Variants in PRKN observed in about 807,000 individuals in gnomAD.
PRKN encodes the protein E3 ubiquitin-protein ligase parkin.
A neutral mutation model predicts 59.5 loss-of-function variants in PRKN; 56 were observed. The observed-to-expected ratio is 0.94, with a 90% CI of 0.76 to 1.18. The LOEUF is 1.18. Ranked by LOEUF, PRKN falls within the 50% of genes most tolerant of loss-of-function variation. The pLI, the probability that PRKN is intolerant of heterozygous loss-of-function variation, is 0.00. For missense variants in PRKN, 657 were observed against 596.4 expected, an observed-to-expected ratio of 1.10 and a Z score of -1.06; for synonymous variants, 250 against 222.1, an observed-to-expected ratio of 1.13 and a Z score of -1.12.
chr6:161,493,032 AACC>A (rs1777616783), intron 9 of PRKN, among the ~76,000 whole-genome samples: 1 of 152,372 alleles, frequency 6.6e-6, no homozygotes, highest in Admixed American at 6.5e-5. Flanking sequence ...TATAAAACAT[AACC>A]GTTAAATTCT....
chr6:161,619,086 G>A (rs141134672), intron 7 of PRKN, among the ~76,000 whole-genome samples: 12 of 152,028 alleles, frequency 7.9e-5, no homozygotes, highest in African/African-American at 1.2e-4. Flanking sequence ...TTCTGAATCC[G>A]CCGGGTCTGA....
intron 4 of PRKN, among the ~76,000 whole-genome samples, chr6:162,193,324 T>C (rs755703482): frequency 2.6e-5 from 4 of 152,216 alleles, no homozygotes; most frequent in Non-Finnish European, 5.9e-5. Flanking sequence ...TGCCGGCAGC[T>C]CAGCTAGATA....
intron 2 of PRKN, among the ~76,000 whole-genome samples, chr6:162,410,990 T>C (rs912631394): frequency 6.6e-6 from 1 of 152,170 alleles, no homozygotes; most frequent in African/African-American, 2.4e-5. Context: ...TCTTGGGGTA[T>C]TGATACAGAC....
chr6:161,596,199 CA>C (rs1455221545), intron 7 of PRKN, among the ~76,000 whole-genome samples: 1 of 152,030 alleles, frequency 6.6e-6, no homozygotes, highest in African/African-American at 2.4e-5. Context: ...AGGCAGAACG[CA>C]ACTGCCTTTG....
chr6:162,561,077 G>A (rs768971300), intron 1 of PRKN, among the ~76,000 whole-genome samples: 19 of 152,234 alleles, frequency 1.2e-4, no homozygotes, highest in Non-Finnish European at 1.9e-4. Context: ...GCAGGGCGAC[G>A]GGGAGAAATC....
chr6:162,622,430 C>A (rs375897905), intron 1 of PRKN, among the ~76,000 whole-genome samples: 2 of 152,022 alleles, frequency 1.3e-5, no homozygotes, highest in Non-Finnish European at 2.9e-5. Flanking sequence ...GTCATCTGCC[C>A]ACCTTGGCCT....
At chr6:161,557,445 C>G (rs1341072768) in intron 8 of PRKN, among the ~76,000 whole-genome samples, 3 of 152,120 alleles carry the variant, frequency 2.0e-5, no homozygotes, top group Non-Finnish European at 4.4e-5. Flanking sequence ...GTTGCACGTT[C>G]AAGCCCCAGA....
intron 2 of PRKN, among the ~76,000 whole-genome samples, chr6:162,343,867 A>G (rs1466003599): frequency 1.3e-5 from 2 of 152,226 alleles, no homozygotes; most frequent in African/African-American, 4.8e-5. Flanking sequence ...CAACATATAC[A>G]AAAACGTTAC....
At position 161,429,674 on chromosome 6, in the gene PRKN, T is replaced by A. The variant is rs1374884797; in HGVS notation, c.1084-42797A>T. Among the ~76,000 whole-genome samples, 1 of 151,928 alleles carries A rather than the reference T, an allele frequency of 6.6e-6. No homozygotes were observed. Among genetic ancestry groups the A allele is most frequent in the African/African-American group, 2.4e-5 (1 of 41,350 alleles). ...AAGTAGATCAATGAAGAAAGAGGAATCCAGAAGTTCCAGTCCGAGGGTGTG... is the reference window on the plus strand; with the variant it reads ...AAGTAGATCAATGAAGAAAGAGGAAACCAGAAGTTCCAGTCCGAGGGTGTG... On this transcript the variant is annotated intron_variant, in intron 9 of 11. Coordinates refer to ENST00000366898, the MANE Select transcript of PRKN (RefSeq NM_004562.3). This position sits in a 1 kb window ranked among gnomAD's most constrained non-coding sequence, Gnocchi z 4.2.
chr6:162,582,237 GTCC>G (rs1308881330), intron 1 of PRKN, among the ~76,000 whole-genome samples: 1 of 152,188 alleles, frequency 6.6e-6, no homozygotes, highest in Non-Finnish European at 1.5e-5. Context: ...AGGAAATCCT[GTCC>G]TCCTTCAGTT....
rs186194708 is a variant in PRKN at position 162,080,656 on chromosome 6, G to C, written c.535-26482C>G. Among the ~76,000 whole-genome samples the C allele has an allele frequency of 5.9e-5, 9 of 152,148 alleles. No homozygotes were observed. The East Asian group carries it at 1.7e-3, about 29-fold the overall frequency. On this transcript the variant is annotated intron_variant, in intron 4 of 11. Coordinates refer to ENST00000366898, the MANE Select transcript of PRKN (RefSeq NM_004562.3). Reference sequence around the variant, plus strand: ...CTTCAAGTCATAACCTTTTTTGCTAGTGGCAGGTCTTGCGTCGATGCTGAT... The same window carrying C: ...CTTCAAGTCATAACCTTTTTTGCTACTGGCAGGTCTTGCGTCGATGCTGAT...
intron 1 of PRKN, among the ~76,000 whole-genome samples, chr6:162,694,215 C>T (rs1343606636): frequency 7.1e-6 from 1 of 140,412 alleles, no homozygotes; most frequent in Admixed American, 7.5e-5. Flanking sequence ...CCACTGCACT[C>T]CAGCCTGGGC....
chr6:162,170,361 T>A (rs1783215690), intron 4 of PRKN, among the ~76,000 whole-genome samples: 1 of 152,316 alleles, frequency 6.6e-6, no homozygotes, highest in South Asian at 2.1e-4. Flanking sequence ...GGAAGTTCAC[T>A]TGAGCAGCAT....
chr6:162,071,136 G>A (rs1317944741), intron 4 of PRKN, among the ~76,000 whole-genome samples: 1 of 151,578 alleles, frequency 6.6e-6, no homozygotes, highest in South Asian at 2.1e-4. Flanking sequence ...TCACTGGACG[G>A]TATTCGACAT....
At chr6:162,422,252 T>C (rs1245532721) in intron 2 of PRKN, among the ~76,000 whole-genome samples, 1 of 151,788 alleles carries the variant, frequency 6.6e-6, no homozygotes, top group Non-Finnish European at 1.5e-5. Flanking sequence ...GGCTACTTAA[T>C]AATATTTCTT....
intron 2 of PRKN, chr6:162,270,746 A>C (rs1194696020): frequency 6.6e-6 from 1 of 152,170 alleles, no homozygotes; most frequent in Non-Finnish European, 1.5e-5. Flanking sequence ...TTGAAGACAC[A>C]CTTTTAATAA....
chr6:161,761,345 A>AATGGATGGATAGATGGTGG (rs1554301834), intron 7 of PRKN, among the ~76,000 whole-genome samples: 2 of 151,578 alleles, frequency 1.3e-5, no homozygotes, highest in Non-Finnish European at 2.9e-5. Context: ...ATGATGGATG[A>AATGGATGGATAGATGGTGG]ATGGATGGAT....
In PRKN at chr6:162,239,261, C is replaced by T. The variant is rs142930028; in HGVS notation, c.412+23264G>A. Among the ~76,000 whole-genome samples the T allele has an allele frequency of 3.3e-3, 501 of 152,076 alleles. 4 individuals are homozygous for T. Among genetic ancestry groups the T allele is most frequent in the African/African-American group, 0.011 (471 of 41,472 alleles). On this transcript the variant is annotated intron_variant, in intron 3 of 11. Coordinates refer to ENST00000366898, the MANE Select transcript of PRKN (RefSeq NM_004562.3). ...GCAGGAACACAGCTTGCAGGTTGGC[C>T]GACTCATCTCCCCAGATTTTATTTT...
chr6:162,358,690 C>T (rs1373174988), intron 2 of PRKN, among the ~76,000 whole-genome samples: 1 of 152,058 alleles, frequency 6.6e-6, no homozygotes, highest in East Asian at 1.9e-4. Context: ...TAGAGTGCAG[C>T]ATATCATAAA....
Sources: allele counts gnomAD v4.1 joint callset (sites outside exome capture counted in the v4.1 genomes callset), GRCh38; gene constraint gnomAD v4.1.1; non-coding constraint Gnocchi (gnomAD v3.1); transcripts MANE v1.5; gene names NCBI Gene and HGNC (gene_info 2026-07-23, HGNC 2026-07-21).